The following INTS6 variants were observed in gnomAD, a reference collection of about 807,000 sequenced individuals.
The protein encoded by INTS6 is integrator complex subunit 6, also known as DEAD box protein.
Under a neutral mutation model 104.9 loss-of-function variants are expected in INTS6, and 16 were observed. The ratio of observed to expected loss-of-function variants is 0.15; its 90% CI spans 0.10 to 0.23. INTS6 has a LOEUF of 0.23. Ranked by LOEUF, INTS6 falls within the 10% of genes least tolerant of loss-of-function variation. The pLI, the probability that INTS6 is intolerant of heterozygous loss-of-function variation, is 1.00. For synonymous variants in INTS6, 324 were observed against 358.7 expected (o/e 0.90, Z 1.09); for missense variants, 584 against 1,062.8 (o/e 0.55, Z 6.26).
chr13:51,394,491 T>A (rs1482871656), intron 5 of INTS6, among the ~76,000 whole-genome samples: 2 of 152,162 alleles, frequency 1.3e-5, no homozygotes, highest in East Asian at 3.9e-4. Context: ...GCGCACCAAC[T>A]GTGTCTGCAG....
Position 51,452,333 on chromosome 13 carries a change from C to A in INTS6, c.111+82G>T. Reference sequence around the variant, plus strand: ...GCTCCCGCAGTCAGGTCCCCGACACCCCCGCCCCGGCCGCCCTCCCCCACC... The same window carrying A: ...GCTCCCGCAGTCAGGTCCCCGACACACCCGCCCCGGCCGCCCTCCCCCACC... On this transcript the variant is annotated intron_variant, in intron 1 of 17. Coordinates refer to ENST00000311234, the MANE Select transcript of INTS6 (RefSeq NM_012141.3). The surrounding 1 kb of genome is among the most constrained non-coding windows in gnomAD (Gnocchi z 4.2). 1 of 1,269,016 alleles carries A rather than the reference C, an allele frequency of 7.9e-7. No individual in the cohort carries two copies. The highest frequency in any genetic ancestry group is 9.9e-7 in the Non-Finnish European group (1 of 1,005,044). The allele number at this position is 1,269,016 out of a possible 1,614,324, so 78.6% of individuals were successfully genotyped here. A position where few individuals can be genotyped will look rare whatever the true frequency, so the allele number is the denominator to read the frequency against.
chr13:51,398,290 T>G (rs138402484), intron 4 of INTS6, among the ~76,000 whole-genome samples: 181 of 152,230 alleles, frequency 1.2e-3, no homozygotes, highest in African/African-American at 4.1e-3. Context: ...TCTTCCTGAA[T>G]ATATGGACTT....
At chr13:51,451,900 G>A in intron 2 of INTS6, 78 bp downstream of exon 2, 1 of 951,314 alleles carries the variant, frequency 1.1e-6, no homozygotes, top group Non-Finnish European at 1.6e-6. Flanking sequence ...AATGAAGGGT[G>A]AATGGGGGGG....
chr13:51,355,113 C>T (rs754889611), intron 3 of INTS6: 7 of 1,543,594 alleles, frequency 4.5e-6, no homozygotes, highest in Non-Finnish European at 6.2e-6. Context: ...TCTTTTTGAT[C>T]CACTCAAAGC....
intron 4 of INTS6, among the ~76,000 whole-genome samples, chr13:51,411,319 T>C (rs1393016535): frequency 6.7e-6 from 1 of 148,476 alleles, no homozygotes; most frequent in Non-Finnish European, 1.5e-5. Flanking sequence ...TTTGGGAAAC[T>C]GAGGAGGGTG....
intron 7 of INTS6, chr13:51,384,689 T>C (rs565944255): frequency 1.3e-5 from 6 of 456,594 alleles, no homozygotes; most frequent in Non-Finnish European, 2.6e-5. Flanking sequence ...ATCCTCCATA[T>C]TTAACTGTCA....
At position 51,361,812 on chromosome 13, in the gene INTS6, CTGT is replaced by C. The variant is rs1287431486; in HGVS notation, c.*3937_*3939del. 1.1e-5 allele frequency: 18 copies of C among 1,603,524 alleles called. No homozygotes were observed. The highest frequency in any genetic ancestry group is 4.0e-5 in the African/African-American group (3 of 74,310). ...GAATTTTTCTTTCTTTCCTGCAGCT[CTGT>C]TGTTATTGAAAAGGTCTCGGATTCC... is the stretch of plus-strand genomic sequence containing the variant. On this transcript the variant is annotated 3_prime_UTR_variant, in exon 18 of 18. Transcript: ENST00000311234.
the INTS6 span, chr13:51,348,387 C>A: frequency 6.2e-7 from 1 of 1,613,698 alleles, no homozygotes; most frequent in Non-Finnish European, 8.5e-7. Flanking sequence ...CTGAGGAGAG[C>A]CAGGATGGAT....
At chr13:51,378,187 C>T (rs183788311) in intron 12 of INTS6, 52 bp downstream of exon 12, 13,113 of 1,304,202 alleles carry the variant, frequency 0.01, 124 homozygotes, top group Non-Finnish European at 0.011. Flanking sequence ...TGTGATTTAT[C>T]CAGTAACATA....
downstream of INTS6, among the ~76,000 whole-genome samples, chr13:51,351,633 G>C (rs77695642): frequency 0.04 from 6,089 of 152,060 alleles, 284 homozygotes; most frequent in African/African-American, 0.11. Flanking sequence ...TTGTTAATTT[G>C]GATGAAGCTC....
At chr13:51,378,787 G>A (rs528791919) in intron 11 of INTS6, among the ~76,000 whole-genome samples, 42 of 151,970 alleles carry the variant, frequency 2.8e-4, no homozygotes, top group Non-Finnish European at 5.0e-4. Flanking sequence ...CAGGGGTGAC[G>A]GTAAATTATT....
chr13:51,391,722 T>G (rs573300691), intron 5 of INTS6, among the ~76,000 whole-genome samples: 1 of 152,328 alleles, frequency 6.6e-6, no homozygotes, highest in Non-Finnish European at 1.5e-5. Context: ...CTAAAGGCAG[T>G]ATTAGCATCT....
intron 12 of INTS6, among the ~76,000 whole-genome samples, chr13:51,377,722 T>A (rs1955962572): frequency 6.6e-6 from 1 of 152,134 alleles, no homozygotes; most frequent in Non-Finnish European, 1.5e-5. Flanking sequence ...GTAGTAAGTT[T>A]TACAATAAGT....
the INTS6 span, chr13:51,340,909 G>A: frequency 1.6e-6 from 1 of 631,424 alleles, no homozygotes; most frequent in East Asian, 2.7e-5. Flanking sequence ...CTGCAGCCCA[G>A]ACGGCTGGGC....
chr13:51,408,146 G>GT (rs541254081), intron 4 of INTS6, among the ~76,000 whole-genome samples: 4,784 of 140,968 alleles, frequency 0.034, 114 homozygotes, highest in East Asian at 0.073. Context: ...ATTGAGATGG[G>GT]TTTTTTTTTT....
At position 51,379,510 on chromosome 13, in the gene INTS6, A is replaced by G. The variant is rs1355949787; in HGVS notation, c.1338T>C (p.Tyr446=). 1.2e-6 allele frequency: 2 copies of G among 1,606,236 alleles called. No homozygotes were observed. The highest frequency in any genetic ancestry group is 1.1e-5 in the South Asian group (1 of 89,942). Reference sequence around the variant, plus strand: ...ATGAAATGACACTGTAACTAAGTCCATATTCCATACTGTCTGCTATTAGGT... The same window carrying G: ...ATGAAATGACACTGTAACTAAGTCCGTATTCCATACTGTCTGCTATTAGGT... The part of the protein sequence containing the change: ...APNLIADSME[Y]GLSYSVISYL... Residue 446 remains tyrosine (Y), a synonymous_variant, in exon 11 of 18, where the codon TAT becomes TAC. Transcript: ENST00000311234.
At chr13:51,399,702 T>TTGTGGGTGTG (rs982229889) in intron 4 of INTS6, among the ~76,000 whole-genome samples, 1 of 149,708 alleles carries the variant, frequency 6.7e-6, no homozygotes, top group Non-Finnish European at 1.5e-5. Flanking sequence ...ATGTTAGCCA[T>TTGTGGGTGTG]TGTGGGTGTG....
chr13:51,414,630 C>T (rs1956749956), intron 4 of INTS6, among the ~76,000 whole-genome samples: 1 of 151,988 alleles, frequency 6.6e-6, no homozygotes, highest in Non-Finnish European at 1.5e-5. Flanking sequence ...TTAATAAAAG[C>T]TTTTTTTAAA....
At chr13:51,425,482 T>C (rs1398214796) in intron 4 of INTS6, among the ~76,000 whole-genome samples, 1 of 152,104 alleles carries the variant, frequency 6.6e-6, no homozygotes, top group African/African-American at 2.4e-5. Flanking sequence ...GGTAAAGAGA[T>C]GCAGAAGGAC....
Sources: allele counts gnomAD v4.1 joint callset (sites outside exome capture counted in the v4.1 genomes callset), GRCh38; gene constraint gnomAD v4.1.1; non-coding constraint Gnocchi (gnomAD v3.1); transcripts MANE v1.5; gene names NCBI Gene and HGNC (gene_info 2026-07-23, HGNC 2026-07-21).